Variants in SDK2 observed in about 807,000 individuals in gnomAD.
SDK2 encodes the protein sidekick cell adhesion molecule 2.
Under a neutral mutation model 253.9 loss-of-function variants are expected in SDK2, and 105 were observed. The observed-to-expected ratio is 0.41, with a 90% CI of 0.35 to 0.49. SDK2 has a LOEUF of 0.49. Ranked by LOEUF, SDK2 falls within the 20% of genes least tolerant of loss-of-function variation. The probability of loss-of-function intolerance (pLI) is 0.06; values close to 1 mark genes in which losing one functional copy is unlikely to be tolerated. For synonymous variants in SDK2, 1,249 were observed against 1,234.9 expected (o/e 1.01, Z -0.24); for missense variants, 2,608 against 3,003.0 (o/e 0.87, Z 3.07).
At position 73,481,906 on chromosome 17, in the gene SDK2, C is replaced by T. The variant is rs184256607; in HGVS notation, c.225-9688G>A. The stretch of plus-strand genomic sequence containing the variant: ...TAACCACATGGGCCAAGTCCCATAA[C>T]GAACCTCGTGCATCTGTCTCTCTCC... On this transcript the variant is annotated intron_variant, in intron 2 of 44. Coordinates refer to ENST00000392650, the MANE Select transcript of SDK2 (RefSeq NM_001144952.2). This position sits in a 1 kb window ranked among gnomAD's most constrained non-coding sequence, Gnocchi z 4.5. 2.3e-4 allele frequency among the ~76,000 whole-genome samples: 35 copies of T among 152,284 alleles called. No individual in the cohort carries two copies. In the East Asian group the frequency reaches 6.6e-3, roughly 29 times the overall value.
At chr17:73,486,566 C>T (rs539766052) in intron 2 of SDK2, among the ~76,000 whole-genome samples, 2 of 146,076 alleles carry the variant, frequency 1.4e-5, no homozygotes, top group East Asian at 2.1e-4. Context: ...GCTATGATTG[C>T]ACCACTGCAC....
chr17:73,424,093 C>T lies in SDK2; in HGVS notation c.1584-1G>A. 1 of 1,610,132 alleles carries T rather than the reference C, an allele frequency of 6.2e-7. No individual in the cohort carries two copies. Among genetic ancestry groups the T allele is most frequent in the Non-Finnish European group, 8.5e-7 (1 of 1,178,826 alleles). The stretch of plus-strand genomic sequence containing the variant: ...GGCCCCGTCCTTCTCCCAGATGTAC[C>T]TAAAAGTAAGAAGAACCCGTAAGTA... On this transcript the variant is annotated splice_acceptor_variant, in intron 12 of 44. Coordinates refer to ENST00000392650, the MANE Select transcript of SDK2 (RefSeq NM_001144952.2). LOFTEE classifies it high-confidence loss of function.
At chr17:73,421,442 G>A (rs934260680) in intron 15 of SDK2, among the ~76,000 whole-genome samples, 2 of 152,184 alleles carry the variant, frequency 1.3e-5, no homozygotes, top group Non-Finnish European at 2.9e-5. Flanking sequence ...CCTCTCCCAT[G>A]ACATCTTTCT....
intron 1 of SDK2, among the ~76,000 whole-genome samples, chr17:73,583,351 C>T (rs1161229910): frequency 6.6e-6 from 1 of 152,180 alleles, no homozygotes; most frequent in East Asian, 1.9e-4. Context: ...AGACTCTAAC[C>T]TCCCATCTTC....
chr17:73,535,303 G>A (rs1191715625), intron 1 of SDK2, among the ~76,000 whole-genome samples: 4 of 152,172 alleles, frequency 2.6e-5, no homozygotes, highest in Admixed American at 2.0e-4. Flanking sequence ...CTTAGAAGGC[G>A]CTGCATAACT....
intron 36 of SDK2, among the ~76,000 whole-genome samples, chr17:73,370,685 G>C (rs1269520581): frequency 8.6e-5 from 13 of 151,990 alleles, no homozygotes; most frequent in Non-Finnish European, 1.8e-4. Flanking sequence ...AGCCCCCCAG[G>C]TAGCTCTGAC....
At chr17:73,430,004 A>C (rs2063313042) in intron 12 of SDK2, among the ~76,000 whole-genome samples, 1 of 152,056 alleles carries the variant, frequency 6.6e-6, no homozygotes, top group Non-Finnish European at 1.5e-5. Context: ...TCAGTTTCCC[A>C]CATGTGCTTC....
At chr17:73,429,840 G>A (rs1349763012) in intron 12 of SDK2, among the ~76,000 whole-genome samples, 2 of 152,196 alleles carry the variant, frequency 1.3e-5, no homozygotes, top group Admixed American at 6.5e-5. Context: ...AGGTGCTTGG[G>A]AGGGGTCCCG....
intron 27 of SDK2, among the ~76,000 whole-genome samples, chr17:73,392,797 A>G (rs1250329942): frequency 6.6e-6 from 1 of 152,052 alleles, no homozygotes; most frequent in Non-Finnish European, 1.5e-5. Context: ...CAAGGGATGC[A>G]TTGGTGAGCT....
At chr17:73,341,227 TGAC>T (rs1353932631) in intron 44 of SDK2, among the ~76,000 whole-genome samples, 2 of 99,170 alleles carry the variant, frequency 2.0e-5, no homozygotes, top group Non-Finnish European at 4.4e-5. Flanking sequence ...AAATTATTCC[TGAC>T]TTTTTTTTTT....
intron 2 of SDK2, among the ~76,000 whole-genome samples, chr17:73,483,870 G>A (rs1039609480): frequency 4.0e-5 from 6 of 151,038 alleles, no homozygotes; most frequent in African/African-American, 1.5e-4. Context: ...ACTAGGAGCA[G>A]AAAGGAATGA....
At chr17:73,411,980 A>C (rs1189925503) in intron 18 of SDK2, among the ~76,000 whole-genome samples, 6 of 31,122 alleles carry the variant, frequency 1.9e-4, no homozygotes, top group Non-Finnish European at 2.3e-4. Context: ...GTATATATAT[A>C]TCTACGTATA....
chr17:73,518,690 G>A (rs944761319), intron 1 of SDK2: 1 of 152,188 alleles, frequency 6.6e-6, no homozygotes, highest in African/African-American at 2.4e-5. Flanking sequence ...TTGGCCTAAC[G>A]GTGCTAGTAT....
intron 27 of SDK2, among the ~76,000 whole-genome samples, chr17:73,392,271 AC>A (rs1229442498): frequency 1.4e-5 from 2 of 138,048 alleles, no homozygotes; most frequent in Admixed American, 1.4e-4. Context: ...AGATTTCCAA[AC>A]TTTTTTTTTT....
chr17:73,417,421 A>G (rs1159088739), intron 16 of SDK2, among the ~76,000 whole-genome samples: 1 of 151,818 alleles, frequency 6.6e-6, no homozygotes, highest in Non-Finnish European at 1.5e-5. Context: ...AAAAAAAAAG[A>G]AAATAAATTA....
Position 73,541,242 on chromosome 17 carries a change from G to A in SDK2, c.65-33645C>T, listed in dbSNP as rs1346890976. On this transcript the variant is annotated intron_variant, in intron 1 of 44. Transcript: ENST00000392650. This position sits in a 1 kb window ranked among gnomAD's most constrained non-coding sequence, Gnocchi z 4.3. ...AGGGAGGTGCCCGGGGGGCTGCAGG[G>A]GATGGGCTGCAGTGTGTGGAAAGAG... 1.3e-5 allele frequency among the ~76,000 whole-genome samples: 2 copies of A among 152,188 alleles called. No homozygotes were observed. Among genetic ancestry groups the A allele is most frequent in the Non-Finnish European group, 2.9e-5 (2 of 68,036 alleles).
At chr17:73,583,705 C>CCCACTCCCCATTCTGTCTGGGA (rs60250608) in intron 1 of SDK2, among the ~76,000 whole-genome samples, 1 of 152,100 alleles carries the variant, frequency 6.6e-6, no homozygotes, top group Admixed American at 6.5e-5. Flanking sequence ...GCCAAGAGTG[C>CCCACTCCCCATTCTGTCTGGGA]TTCAGGCTCA....
intron 1 of SDK2, among the ~76,000 whole-genome samples, chr17:73,522,807 C>T (rs2064093166): frequency 6.6e-6 from 1 of 152,220 alleles, no homozygotes; most frequent in African/African-American, 2.4e-5. Context: ...AATGAGAGAG[C>T]AGACTGGGCT....
rs147484542 is a variant in SDK2 at position 73,458,668 on chromosome 17, C to T, written c.332-2615G>A. ...GGGCATTTCTCCAAGGAGGGCCCTC[C>T]GTCACCTCCTTGCCAAGCTCTCCTT... On this transcript the variant is annotated intron_variant, in intron 3 of 44. Transcript: ENST00000392650. Among the ~76,000 whole-genome samples the T allele has an allele frequency of 1.3e-3, 205 of 152,246 alleles. 2 individuals are homozygous for T. Among genetic ancestry groups the T allele is most frequent in the Admixed American group, 2.6e-3 (39 of 15,290 alleles).
Sources: gnomAD v4.1 joint callset for allele counts (sites outside exome capture counted in the v4.1 genomes callset) on GRCh38, gnomAD v4.1.1 for gene constraint, Gnocchi (gnomAD v3.1) non-coding constraint, MANE v1.5 for transcripts, NCBI Gene and HGNC (gene_info 2026-07-23, HGNC 2026-07-21) for gene names.